Variants in ADAMTS9 observed in about 807,000 individuals in gnomAD.
ADAMTS9 encodes the protein A disintegrin and metalloproteinase with thrombospondin motifs 9.
ADAMTS9 carries 107 observed loss-of-function variants against 257.1 expected under a neutral mutation model. The ratio of observed to expected loss-of-function variants is 0.42; its 90% CI spans 0.36 to 0.49. ADAMTS9 has a LOEUF of 0.49. ADAMTS9 is among the 20% of genes least tolerant of loss of function. The pLI is 0.03. For synonymous variants in ADAMTS9, 982 were observed against 880.9 expected, an observed-to-expected ratio of 1.11 and a Z score of -2.03; for missense variants, 2,353 against 2,469.1, an observed-to-expected ratio of 0.95 and a Z score of 1.00.
intron 4 of ADAMTS9, among the ~76,000 whole-genome samples, chr3:64,656,446 A>T (rs1701072636): frequency 6.6e-6 from 1 of 152,146 alleles, no homozygotes; most frequent in Non-Finnish European, 1.5e-5. Flanking sequence ...ACACAAATGC[A>T]TTTAGTCTCT....
At chr3:64,549,422 G>A (rs1031355662) in intron 31 of ADAMTS9, among the ~76,000 whole-genome samples, 8 of 152,128 alleles carry the variant, frequency 5.3e-5, no homozygotes, top group East Asian at 1.9e-4. Flanking sequence ...ATCCCCCTGC[G>A]TTGGGATCTG....
rs906091532 is a variant in ADAMTS9 at position 64,568,306 on chromosome 3, A to G, written c.4524+62T>C. 4.5e-6 allele frequency: 7 copies of G among 1,548,704 alleles called. No individual in the cohort carries two copies. In the African/African-American group the frequency reaches 6.9e-5, roughly 15 times the overall value. Reference sequence around the variant, plus strand: ...CGTGCATAGAAACACAAGTGAACACACTGGGGTCAGCCACGTGGCCAAACG... The same window carrying G: ...CGTGCATAGAAACACAAGTGAACACGCTGGGGTCAGCCACGTGGCCAAACG... On this transcript the variant is annotated intron_variant, in intron 29 of 39. Transcript: ENST00000498707.
chr3:64,635,770 C>A (rs945607535), intron 12 of ADAMTS9, among the ~76,000 whole-genome samples: 13 of 150,542 alleles, frequency 8.6e-5, no homozygotes, highest in Admixed American at 2.7e-4. Context: ...TTTTTCTTTT[C>A]TTTTTTGGTG....
At chr3:64,565,849 T>C (rs1367144482) in intron 29 of ADAMTS9, 1 of 152,174 alleles carries the variant, frequency 6.6e-6, no homozygotes, top group African/African-American at 2.4e-5. Flanking sequence ...TAAGAATAAT[T>C]CCACCCCTCC....
chr3:64,655,730 G>T (rs199674920), intron 5 of ADAMTS9, 39 bp from the exon 6 acceptor site: 3 of 1,590,714 alleles, frequency 1.9e-6, no homozygotes, highest in Non-Finnish European at 2.6e-6. Context: ...CTGTTGTACC[G>T]ATCCCAATTA....
chr3:64,641,728 A>G, intron 12 of ADAMTS9, 120 bp downstream of exon 12: 1 of 1,337,006 alleles, frequency 7.5e-7, no homozygotes, highest in East Asian at 2.3e-5. Context: ...CAGCCCTTGA[A>G]GTTTACGTTC....
chr3:64,676,790 G>C (rs1487319877), intron 3 of ADAMTS9, among the ~76,000 whole-genome samples: 1 of 152,148 alleles, frequency 6.6e-6, no homozygotes, highest in Non-Finnish European at 1.5e-5. Context: ...CTTAGGCACA[G>C]CATTGATGGG....
rs368667949 is a variant in ADAMTS9 at position 64,601,955 on chromosome 3, G to A, written c.4006C>T (p.Pro1336Ser). The A allele has an allele frequency of 1.2e-6, 2 of 1,606,090 alleles. No individual in the cohort carries two copies. The highest frequency in any genetic ancestry group is 1.1e-5 in the South Asian group (1 of 89,972). ...CAGGGAATACTCACTGCTCCCCAGG[G>A]GCCAGTTCTCCACTGGTTTCCACCG... Reference protein sequence around the residue: ...VLGGNQWRTGPWGACSSTCAG... With the variant: ...VLGGNQWRTGSWGACSSTCAG... The change falls in exon 26 of 40, where the codon CCC becomes TCC. Residue 1336 changes from proline (P) to serine (S), a missense_variant. Coordinates refer to ENST00000498707, the MANE Select transcript of ADAMTS9 (RefSeq NM_182920.2).
chr3:64,530,368 C>G (rs72885518), intron 38 of ADAMTS9, among the ~76,000 whole-genome samples: 5,832 of 152,000 alleles, frequency 0.038, 367 homozygotes, highest in African/African-American at 0.13. Flanking sequence ...ACATGCTTCT[C>G]TGGACCACAC....
chr3:64,649,514 G>T, intron 10 of ADAMTS9, 123 bp downstream of exon 10: 1 of 1,127,480 alleles, frequency 8.9e-7, no homozygotes, highest in Non-Finnish European at 1.2e-6. Context: ...TCACTAATAT[G>T]CAATTTTACT....
chr3:64,614,844 T>C (rs1255620953), intron 21 of ADAMTS9: 1 of 152,638 alleles, frequency 6.6e-6, no homozygotes, highest in Admixed American at 6.5e-5. Flanking sequence ...CTTTTCTTTT[T>C]TTTTTTTTCC....
intron 3 of ADAMTS9, among the ~76,000 whole-genome samples, chr3:64,661,560 G>A (rs577355106): frequency 1.2e-4 from 19 of 152,170 alleles, no homozygotes; most frequent in Non-Finnish European, 2.5e-4. Flanking sequence ...GGAATCAGTC[G>A]TAGATTTGCT....
intron 11 of ADAMTS9, among the ~76,000 whole-genome samples, chr3:64,644,992 A>C (rs1700750187): frequency 6.6e-6 from 1 of 152,250 alleles, no homozygotes; most frequent in South Asian, 2.1e-4. Flanking sequence ...CAGGTGTCCA[A>C]AAGAAAGGAA....
chr3:64,542,469 C>T (rs2083138836), intron 32 of ADAMTS9, among the ~76,000 whole-genome samples: 1 of 131,566 alleles, frequency 7.6e-6, no homozygotes, highest in African/African-American at 2.9e-5. Context: ...CTCTTGTTGC[C>T]TAGGCCGGAG....
At chr3:64,535,342 G>A (rs1297573481) in intron 37 of ADAMTS9, among the ~76,000 whole-genome samples, 2 of 152,052 alleles carry the variant, frequency 1.3e-5, no homozygotes, top group Non-Finnish European at 2.9e-5. Flanking sequence ...TTGTGCCACT[G>A]CACTCCAGCC....
At chr3:64,625,905 A>T (rs913850837) in intron 16 of ADAMTS9, among the ~76,000 whole-genome samples, 7 of 152,074 alleles carry the variant, frequency 4.6e-5, no homozygotes, top group African/African-American at 1.7e-4. Flanking sequence ...AATAAACCTA[A>T]ATTTCAAGTC....
rs145033578 is a variant in ADAMTS9, at chr3:64,642,601, G to C, written c.1711-608C>G. On this transcript the variant is annotated intron_variant, in intron 11 of 39. Coordinates refer to ENST00000498707, the MANE Select transcript of ADAMTS9 (RefSeq NM_182920.2). Reference sequence around the variant, plus strand: ...ATTCTCCAGCCTGGAGCAGGAAGAAGGCCATGACGTTTAAAAAATAATAAT... The same window carrying C: ...ATTCTCCAGCCTGGAGCAGGAAGAACGCCATGACGTTTAAAAAATAATAAT... Among the ~76,000 whole-genome samples, 1,013 of 152,290 alleles carry C rather than the reference G, an allele frequency of 6.7e-3. 3 individuals carry two copies. The highest frequency in any genetic ancestry group is 0.022 in the African/African-American group (908 of 41,548).
At chr3:64,569,108 T>C (rs2083614405) in intron 28 of ADAMTS9, 2 of 153,164 alleles carry the variant, frequency 1.3e-5, no homozygotes, top group South Asian at 4.1e-4. Flanking sequence ...AGGCATTACC[T>C]TTCAACTTTG....
At chr3:64,621,366 C>G (rs1700100093) in intron 18 of ADAMTS9, 126 bp from the exon 19 acceptor site, 1 of 1,125,532 alleles carries the variant, frequency 8.9e-7, no homozygotes. Context: ...CGTATGATCT[C>G]TGTTGCACTA....
Sources: gnomAD v4.1 joint callset for allele counts (sites outside exome capture counted in the v4.1 genomes callset) on GRCh38, gnomAD v4.1.1 for gene constraint, MANE v1.5 for transcripts, NCBI Gene and HGNC (gene_info 2026-07-23, HGNC 2026-07-21) for gene names.